C5AR1: variants seen among roughly 807,000 people sequenced by gnomAD.
C5AR1 encodes C5a anaphylatoxin chemotactic receptor 1.
A neutral mutation model predicts 2.4 loss-of-function variants in C5AR1; 4 were observed. The observed-to-expected ratio is 1.65, with a 90% confidence interval of 0.81 to 3.77. C5AR1 has a LOEUF of 3.77. C5AR1 is among the 30% of genes most tolerant of loss of function. The probability of loss-of-function intolerance (pLI) is 0.01; values close to 1 mark genes in which losing one functional copy is unlikely to be tolerated. For missense variants in C5AR1, 418 were observed against 462.5 expected, an observed-to-expected ratio of 0.90 and a Z score of 0.88; for synonymous variants, 209 against 210.4, an observed-to-expected ratio of 0.99 and a Z score of 0.06.
rs1246056336 is a variant in C5AR1 at position 47,320,473 on chromosome 19, C to T, written c.696C>T (p.Arg232=). The change falls in exon 2 of 2, where the codon CGC becomes CGT. Residue 232 remains arginine (R), a synonymous_variant. Transcript: ENST00000355085. This position sits in a 1 kb window ranked among gnomAD's most constrained non-coding sequence, Gnocchi z 4.9. ...YTFILLRTWS[R]RATRSTKTLK... ...TCATCCTGCTCCGGACGTGGAGCCG[C>T]AGGGCCACGCGGTCCACCAAGACAC... The T allele has an allele frequency of 6.2e-7, 1 of 1,613,370 alleles. No individual in the cohort carries two copies. The highest frequency in any genetic ancestry group is 2.2e-5 in the East Asian group (1 of 44,898).
rs1311792242 is a variant in C5AR1, at chr19:47,320,307, T to C, written c.530T>C (p.Val177Ala). Residue 177 changes from valine (V) to alanine (A), a missense_variant, in exon 2 of 2, where the codon GTC becomes GCC. By Grantham distance (64) the Val-to-Ala change is moderately conservative. Transcript: ENST00000355085. This position sits in a 1 kb window ranked among gnomAD's most constrained non-coding sequence, Gnocchi z 4.9. ...LTIPSFLYRVVREEYFPPKVL... is the reference protein window; with the variant it reads ...LTIPSFLYRVAREEYFPPKVL... ...ATACCCTCCTTCCTGTACCGGGTGGTCCGGGAGGAGTACTTTCCACCAAAG... is the reference window on the plus strand; with the variant it reads ...ATACCCTCCTTCCTGTACCGGGTGGCCCGGGAGGAGTACTTTCCACCAAAG... The C allele has an allele frequency of 6.2e-7, 1 of 1,611,270 alleles. No individual in the cohort carries two copies. Among genetic ancestry groups the C allele is most frequent in the South Asian group, 1.1e-5 (1 of 91,078 alleles).
chr19:47,309,994 C>G (rs571703605), intron 1 of C5AR1, 96 bp downstream of exon 1: 7 of 1,283,490 alleles, frequency 5.5e-6, no homozygotes, highest in Admixed American at 3.9e-5. Flanking sequence ...CTCTCGCCGT[C>G]AACTCTGTCT....
intron 1 of C5AR1, among the ~76,000 whole-genome samples, chr19:47,310,690 T>C (rs1205609480): frequency 6.6e-6 from 1 of 152,164 alleles, no homozygotes; most frequent in Non-Finnish European, 1.5e-5. Context: ...AGAGATGGGT[T>C]CTTGCTATGT....
At chr19:47,317,744 A>G (rs1384603094) in intron 1 of C5AR1, among the ~76,000 whole-genome samples, 1 of 151,870 alleles carries the variant, frequency 6.6e-6, no homozygotes, top group Non-Finnish European at 1.5e-5. Flanking sequence ...GCATTTTGGG[A>G]GGCCAAGGCA....
intron 1 of C5AR1, among the ~76,000 whole-genome samples, chr19:47,313,265 C>T (rs563631255): frequency 7.9e-5 from 12 of 152,200 alleles, no homozygotes; most frequent in Admixed American, 2.6e-4. Context: ...CGTGAGCCAC[C>T]GCGCCTGGCG....
chr19:47,307,924 G>A (rs1015345193), upstream of C5AR1, among the ~76,000 whole-genome samples: 4 of 151,960 alleles, frequency 2.6e-5, no homozygotes, highest in African/African-American at 4.8e-5. Context: ...TCATAAGAGC[G>A]TGAACCCAGG....
chr19:47,320,163 C>T lies in C5AR1; in HGVS notation c.386C>T (p.Thr129Ile). Residue 129 changes from threonine to isoleucine, a missense_variant, in exon 2 of 2, where the codon ACC becomes ATC. Thr to Ile is a moderately conservative substitution (Grantham distance 89). Transcript: ENST00000355085. This position sits in a 1 kb window ranked among gnomAD's most constrained non-coding sequence, Gnocchi z 4.9. Reference sequence around the variant, plus strand: ...TACGCCAGCATCCTGCTCCTGGCCACCATCAGCGCCGACCGCTTTCTGCTG... The same window carrying T: ...TACGCCAGCATCCTGCTCCTGGCCATCATCAGCGCCGACCGCTTTCTGCTG... The part of the protein sequence containing the change: ...NMYASILLLA[T>I]ISADRFLLVF... 1.9e-6 allele frequency: 3 copies of T among 1,614,236 alleles called. No individual in the cohort carries two copies. The highest frequency in any genetic ancestry group is 1.7e-5 in the Admixed American group (1 of 60,030).
Position 47,309,991 on chromosome 19 carries a change from C to A in C5AR1, c.3+93C>A, listed in dbSNP as rs558018011. ...GTCCTTCTCTCTCCCCAACTCTCGC[C>A]GTCAACTCTGTCTGTCTCTCCCTTT... On this transcript the variant is annotated intron_variant, in intron 1 of 1. Coordinates refer to ENST00000355085, the MANE Select transcript of C5AR1 (RefSeq NM_001736.4). The A allele has an allele frequency of 3.8e-6, 5 of 1,309,832 alleles. No homozygotes were observed. The African/African-American group carries it at 5.9e-5, about 15-fold the overall frequency. The allele number at this position is 1,309,832 out of a possible 1,614,324, so 81.1% of individuals were successfully genotyped here. A position where few individuals can be genotyped will look rare whatever the true frequency, so the allele number is the denominator to read the frequency against.
chr19:47,319,726 T>C (rs556451220), intron 1 of C5AR1, 55 bp from the exon 2 acceptor site: 1 of 1,181,248 alleles, frequency 8.5e-7, no homozygotes, highest in African/African-American at 1.5e-5. Flanking sequence ...GGATGCCCCC[T>C]ACCCGGGCAC....
intron 1 of C5AR1, among the ~76,000 whole-genome samples, chr19:47,310,379 A>G (rs377554596): frequency 3.9e-5 from 6 of 152,136 alleles, no homozygotes; most frequent in African/African-American, 1.2e-4. Context: ...TCCACAAGTG[A>G]AGAAATCTAG....
upstream of C5AR1, among the ~76,000 whole-genome samples, chr19:47,309,601 A>C (rs888363055): frequency 1.2e-4 from 18 of 149,478 alleles, no homozygotes; most frequent in East Asian, 1.2e-3. Context: ...ATGAGAGAGA[A>C]GAGATGGCCC....
intron 1 of C5AR1, among the ~76,000 whole-genome samples, chr19:47,313,062 C>T (rs957069031): frequency 2.6e-5 from 4 of 152,070 alleles, no homozygotes; most frequent in South Asian, 2.1e-4. Flanking sequence ...GCACCTCTGC[C>T]TCCTGGATTC....
At chr19:47,317,521 T>A (rs60263703) in intron 1 of C5AR1, among the ~76,000 whole-genome samples, 30,296 of 81,514 alleles carry the variant, frequency 0.37, 4,217 homozygotes, top group African/African-American at 0.52. Context: ...AAAAAAAAAA[T>A]ATATATATAT....
chr19:47,319,551 C>T lies in C5AR1; in HGVS notation c.4-230C>T, dbSNP rs545562510. ...CTCAAACTCCTGGGCTCAAGCAGTC[C>T]GCCCGCCTCGGCCTCCCAAAGTGCT... On this transcript the variant is annotated intron_variant, in intron 1 of 1. Transcript: ENST00000355085. 9.0e-4 allele frequency among the ~76,000 whole-genome samples: 137 copies of T among 152,042 alleles called. 1 individual carries two copies. In the Middle Eastern group the frequency reaches 0.017, roughly 19 times the overall value.
intron 1 of C5AR1, among the ~76,000 whole-genome samples, chr19:47,316,905 T>C (rs942324475): frequency 6.6e-6 from 1 of 150,844 alleles, no homozygotes; most frequent in Non-Finnish European, 1.5e-5. Flanking sequence ...TATCCAGGCA[T>C]GGTGGCTTAC....
rs1454606657 is a variant in C5AR1, at chr19:47,320,628, T to C, written c.851T>C (p.Leu284Pro). The C allele has an allele frequency of 6.2e-7, 1 of 1,614,118 alleles. No homozygotes were observed. Among genetic ancestry groups the C allele is most frequent in the South Asian group, 1.1e-5 (1 of 91,086 alleles). Residue 284 changes from leucine to proline, a missense_variant, in exon 2 of 2, where the codon CTG becomes CCG. Coordinates refer to ENST00000355085, the MANE Select transcript of C5AR1 (RefSeq NM_001736.4). This position sits in a 1 kb window ranked among gnomAD's most constrained non-coding sequence, Gnocchi z 4.9. ...TFLLLKKLDS[L>P]CVSFAYINCC... ...CTGCTGCTGAAGAAGCTGGACTCCC[T>C]GTGTGTCTCCTTTGCCTACATCAAC...
intron 1 of C5AR1, among the ~76,000 whole-genome samples, chr19:47,311,526 A>C (rs547512804): frequency 7.7e-4 from 116 of 150,912 alleles, no homozygotes; most frequent in African/African-American, 2.8e-3. Context: ...AAAAAAAAAA[A>C]CTCATTCTCC....
chr19:47,318,843 C>CTCTG (rs887303345), intron 1 of C5AR1, among the ~76,000 whole-genome samples: 2 of 149,766 alleles, frequency 1.3e-5, no homozygotes, highest in Non-Finnish European at 3.0e-5. Flanking sequence ...CTTCCTTCAG[C>CTCTG]TCTGTCTGGG....
chr19:47,320,463 C>A lies in C5AR1; in HGVS notation c.686C>A (p.Thr229Lys). The change falls in exon 2 of 2, where the codon ACG becomes AAG. Residue 229 changes from threonine (T) to lysine (K), a missense_variant. Physicochemically the swap from Thr to Lys is moderately conservative, Grantham distance 78. Transcript: ENST00000355085. This position sits in a 1 kb window ranked among gnomAD's most constrained non-coding sequence, Gnocchi z 4.9. The part of the protein sequence containing the change: ...TICYTFILLR[T>K]WSRRATRSTK... ...TGTTACACTTTCATCCTGCTCCGGA[C>A]GTGGAGCCGCAGGGCCACGCGGTCC... 6.2e-7 allele frequency: 1 copy of A among 1,613,122 alleles called. No homozygotes were observed. Among genetic ancestry groups the A allele is most frequent in the Non-Finnish European group, 8.5e-7 (1 of 1,179,996 alleles).
Sources: gnomAD v4.1 joint callset for allele counts (sites outside exome capture counted in the v4.1 genomes callset) on GRCh38, gnomAD v4.1.1 for gene constraint, Gnocchi (gnomAD v3.1) non-coding constraint, MANE v1.5 for transcripts, NCBI Gene and HGNC (gene_info 2026-07-23, HGNC 2026-07-21) for gene names.